THSD7B: variants seen among roughly 807,000 people sequenced by gnomAD.
The protein encoded by THSD7B is thrombospondin type 1 domain containing 7B, also known as thrombospondin type-1 domain-containing protein 7B.
A neutral mutation model predicts 213.6 loss-of-function variants in THSD7B; 138 were observed. The ratio of observed to expected loss-of-function variants is 0.65; its 90% CI spans 0.56 to 0.74. The LOEUF (loss-of-function observed/expected upper bound fraction) is 0.74. Among genes scored for constraint, THSD7B ranks in the 30% least tolerant of loss-of-function variants. The pLI is 0.00. For missense variants in THSD7B, 1,931 were observed against 1,991.5 expected (o/e 0.97, Z 0.58); for synonymous variants, 742 against 687.0 (o/e 1.08, Z -1.25).
intron 14 of THSD7B, among the ~76,000 whole-genome samples, chr2:137,428,547 T>C (rs1420419307): frequency 1.3e-5 from 2 of 152,208 alleles, no homozygotes; most frequent in African/African-American, 4.8e-5. Context: ...CAATTTTTTT[T>C]CTGCTAACAC....
rs139751788 is a variant in THSD7B at position 137,422,836 on chromosome 2, A to G, written c.2959+10964A>G. ...TCTAAATCCAGAATTATGCCCAAAT[A>G]TGGAATCAAGATTTCTTTATTGATG... is the stretch of plus-strand genomic sequence containing the variant. On this transcript the variant is annotated intron_variant, in intron 14 of 27. Coordinates refer to ENST00000409968, the MANE Select transcript of THSD7B (RefSeq NM_001316349.2). Among the ~76,000 whole-genome samples, 775 of 152,204 alleles carry G rather than the reference A, an allele frequency of 5.1e-3. 4 individuals are homozygous for G. Among genetic ancestry groups the G allele is most frequent in the African/African-American group, 0.018 (737 of 41,564 alleles).
At chr2:137,175,397 G>A (rs932729306) in intron 7 of THSD7B, among the ~76,000 whole-genome samples, 1 of 152,182 alleles carries the variant, frequency 6.6e-6, no homozygotes, top group Admixed American at 6.6e-5. Flanking sequence ...AAAGAACAAA[G>A]TTCACATGTT....
intron 3 of THSD7B, among the ~76,000 whole-genome samples, chr2:137,070,098 A>G (rs1437944334): frequency 6.6e-6 from 1 of 151,854 alleles, no homozygotes; most frequent in African/African-American, 2.4e-5. Context: ...CACTAATCCC[A>G]TGTCCTCTAC....
At chr2:136,944,428 G>C (rs1684887878) in intron 2 of THSD7B, among the ~76,000 whole-genome samples, 1 of 152,084 alleles carries the variant, frequency 6.6e-6, no homozygotes, top group Non-Finnish European at 1.5e-5. Context: ...TTCAAGTCCT[G>C]GATATCCTTG....
At chr2:136,917,576 C>T (rs1684369464) in intron 2 of THSD7B, among the ~76,000 whole-genome samples, 1 of 152,084 alleles carries the variant, frequency 6.6e-6, no homozygotes, top group Non-Finnish European at 1.5e-5. Context: ...GACTCTCCAC[C>T]ACATCTCTGT....
At chr2:137,228,158 T>TTTATAAAGATTTATTTTAAAATAAC in intron 7 of THSD7B, among the ~76,000 whole-genome samples, 1 of 149,206 alleles carries the variant, frequency 6.7e-6, no homozygotes, top group East Asian at 2.0e-4. Flanking sequence ...TTTTTTTTTT[T>TTTATAAAGATTTATTTTAAAATAAC]TCAAGATTTC....
chr2:137,133,195 T>G (rs916236322), intron 5 of THSD7B, among the ~76,000 whole-genome samples: 8 of 152,146 alleles, frequency 5.3e-5, no homozygotes, highest in African/African-American at 1.9e-4. Flanking sequence ...CAAAACTGGT[T>G]TGTTTTCTCT....
At chr2:137,595,806 A>T (rs781171428) in intron 17 of THSD7B, among the ~76,000 whole-genome samples, 1 of 151,924 alleles carries the variant, frequency 6.6e-6, no homozygotes, top group Non-Finnish European at 1.5e-5. Context: ...AATCACACAA[A>T]ACTTTAAAAA....
chr2:137,396,328 G>A (rs1261497412), intron 12 of THSD7B, among the ~76,000 whole-genome samples: 1 of 138,352 alleles, frequency 7.2e-6, no homozygotes, highest in Non-Finnish European at 1.6e-5. Flanking sequence ...TCTACACACT[G>A]CTTTGAATGT....
Position 137,656,781 on chromosome 2 carries a change from T to C in THSD7B, c.4106-15T>C, listed in dbSNP as rs1396904819. 6.2e-7 allele frequency: 1 copy of C among 1,611,798 alleles called. No homozygotes were observed. The highest frequency in any genetic ancestry group is 8.5e-7 in the Non-Finnish European group (1 of 1,178,602). The stretch of plus-strand genomic sequence containing the variant: ...TCATGCTGTTTTCTCCACCCTGTAC[T>C]GCATGACTGTCCAGGAGACTGCCAT... On this transcript the variant is annotated splice_polypyrimidine_tract_variant and intron_variant, in intron 22 of 27. Transcript: ENST00000409968.
chr2:137,627,867 T>C (rs143311783), intron 20 of THSD7B, among the ~76,000 whole-genome samples: 34 of 152,344 alleles, frequency 2.2e-4, no homozygotes, highest in African/African-American at 7.0e-4. Flanking sequence ...AAGATTTCAG[T>C]GATTAACCAA....
intron 14 of THSD7B, among the ~76,000 whole-genome samples, chr2:137,423,462 G>T (rs895354478): frequency 2.0e-5 from 3 of 151,914 alleles, no homozygotes; most frequent in African/African-American, 7.3e-5. Flanking sequence ...TAAGATCAAT[G>T]GTCGCAAAGC....
intron 10 of THSD7B, among the ~76,000 whole-genome samples, chr2:137,251,635 T>C (rs1682179541): frequency 6.6e-6 from 1 of 152,174 alleles, no homozygotes; most frequent in African/African-American, 2.4e-5. Flanking sequence ...TCTTTTAGTG[T>C]CCTAGACTGA....
At chr2:136,872,764 T>C (rs1276801429) in intron 1 of THSD7B, among the ~76,000 whole-genome samples, 1 of 129,256 alleles carries the variant, frequency 7.7e-6, no homozygotes, top group Non-Finnish European at 1.6e-5. Flanking sequence ...AGGTCAGGGG[T>C]TCAAGATCTA....
chr2:137,269,220 C>T (rs1010898542), intron 10 of THSD7B, among the ~76,000 whole-genome samples: 3 of 152,190 alleles, frequency 2.0e-5, no homozygotes, highest in Non-Finnish European at 4.4e-5. Context: ...TACTTTGATA[C>T]TAAATGTTGA....
At chr2:137,557,558 T>C (rs376781487) in intron 15 of THSD7B, among the ~76,000 whole-genome samples, 1 of 151,984 alleles carries the variant, frequency 6.6e-6, no homozygotes, top group Middle Eastern at 3.4e-3. Context: ...GGGACACATT[T>C]AAAGCAGTGT....
intron 6 of THSD7B, among the ~76,000 whole-genome samples, chr2:137,165,720 A>G (rs1267825596): frequency 6.6e-6 from 1 of 151,912 alleles, no homozygotes; most frequent in East Asian, 1.9e-4. Context: ...GCAGAAATCT[A>G]GGATATTTAT....
At chr2:136,881,394 G>T (rs1284327407) in intron 1 of THSD7B, among the ~76,000 whole-genome samples, 3 of 152,142 alleles carry the variant, frequency 2.0e-5, no homozygotes, top group Non-Finnish European at 4.4e-5. Context: ...TACCGACACA[G>T]AGACTGTGGA....
intron 1 of THSD7B, among the ~76,000 whole-genome samples, chr2:136,879,996 G>A (rs1292677248): frequency 6.6e-6 from 1 of 152,106 alleles, no homozygotes; most frequent in East Asian, 1.9e-4. Context: ...AAGAGACTTA[G>A]ACTCCTACAC....
Sources: gnomAD v4.1 joint callset for allele counts (sites outside exome capture counted in the v4.1 genomes callset) on GRCh38, gnomAD v4.1.1 for gene constraint, MANE v1.5 for transcripts, NCBI Gene and HGNC (gene_info 2026-07-23, HGNC 2026-07-21) for gene names.